PYROXD2: variants seen among roughly 807,000 people sequenced by gnomAD.
The protein encoded by PYROXD2 is pyridine nucleotide-disulphide oxidoreductase domain 2.
Under a neutral mutation model 71.1 loss-of-function variants are expected in PYROXD2, and 69 were observed. The observed-to-expected ratio is 0.97, with a 90% CI of 0.80 to 1.19. The LOEUF is 1.19. Among genes scored for constraint, PYROXD2 ranks in the 50% most tolerant of loss-of-function variants. The pLI, the probability that PYROXD2 is intolerant of heterozygous loss-of-function variation, is 0.00. For synonymous variants in PYROXD2, 287 were observed against 302.7 expected (o/e 0.95, Z 0.54); for missense variants, 745 against 748.9 (o/e 0.99, Z 0.06).
chr10:98,406,053 C>T (rs1036120010), intron 4 of PYROXD2, among the ~76,000 whole-genome samples: 3 of 152,188 alleles, frequency 2.0e-5, no homozygotes, highest in African/African-American at 7.2e-5. Context: ...TGTCAATGCC[C>T]TCCAGGCTGT....
chr10:98,406,749 C>A (rs10732782), intron 4 of PYROXD2, among the ~76,000 whole-genome samples: 52,329 of 151,624 alleles, frequency 0.35, 9,814 homozygotes, highest in South Asian at 0.49. Flanking sequence ...AAAAATTTGC[C>A]TGGCGTGGTG....
intron 2 of PYROXD2, 128 bp from the exon 3 acceptor site, chr10:98,408,125 C>A (rs964743394): frequency 2.6e-6 from 2 of 765,298 alleles, no homozygotes; most frequent in Non-Finnish European, 4.2e-6. Context: ...GGCCTCCCTG[C>A]CCCGCTCATG....
intron 5 of PYROXD2, 53 bp from the exon 6 acceptor site, chr10:98,397,551 G>A (rs1018916662): frequency 4.7e-6 from 7 of 1,496,022 alleles, no homozygotes; most frequent in Non-Finnish European, 6.3e-6. Context: ...TGCCCTCCAT[G>A]CTGTCCCCAG....
chr10:98,415,009 C>A lies in PYROXD2; in HGVS notation c.127G>T (p.Gly43Ter). ...GGCCCGGCCTGCTTTACCACTTTAC[C>A]TGCTCCTATCACCACCGCATCATAC... Reference protein sequence around the residue: ...PEYDAVVIGAGHNGLVAAAYL... With the variant: ...PEYDAVVIGA Residue 43 changes from glycine (G) to a stop codon, truncating the protein, a stop_gained and splice_region_variant, in exon 1 of 16, where the codon GGA becomes TGA. Coordinates refer to ENST00000370575, the MANE Select transcript of PYROXD2 (RefSeq NM_032709.3). LOFTEE classifies it high-confidence loss of function. 6.2e-7 allele frequency: 1 copy of A among 1,613,218 alleles called. No homozygotes were observed. Among genetic ancestry groups the A allele is most frequent in the Non-Finnish European group, 8.5e-7 (1 of 1,179,554 alleles).
intron 5 of PYROXD2, 108 bp downstream of exon 5, chr10:98,399,994 C>CT: frequency 7.2e-7 from 1 of 1,384,458 alleles, no homozygotes; most frequent in South Asian, 1.6e-5. Context: ...GTGGGGTGGC[C>CT]TGGCGCAGTG....
At chr10:98,414,356 C>T (rs574042296) in intron 1 of PYROXD2, 1 of 152,278 alleles carries the variant, frequency 6.6e-6, no homozygotes, top group East Asian at 1.9e-4. Context: ...TGCCTCTTCC[C>T]CTAGCACCCA....
At chr10:98,384,906 C>T in intron 15 of PYROXD2, 41 bp downstream of exon 15, 1 of 1,562,024 alleles carries the variant, frequency 6.4e-7, no homozygotes, top group Non-Finnish European at 8.6e-7. Flanking sequence ...CCAGTGAGCC[C>T]TCCCAGTCCC....
At chr10:98,400,450 C>T (rs1843355947) in intron 4 of PYROXD2, among the ~76,000 whole-genome samples, 193 bp from the exon 5 acceptor site, 1 of 152,124 alleles carries the variant, frequency 6.6e-6, no homozygotes, top group African/African-American at 2.4e-5. Context: ...GTAGACGATA[C>T]TGTATCACAT....
rs1254307485 is a variant in PYROXD2 at position 98,384,966 on chromosome 10, A to G, written c.1656T>C (p.Cys552=). The part of the protein sequence containing the change: ...YRCPLQGLYL[C]GSGAHPGGGV... ...ACTCACCAGGATGAGCCCCACTTCC[A>G]CAGAGATACAGGCCCTGGAGAGGGC... Residue 552 remains cysteine (C), a synonymous_variant, in exon 15 of 16, where the codon TGT becomes TGC. Coordinates refer to ENST00000370575, the MANE Select transcript of PYROXD2 (RefSeq NM_032709.3). 5 of 1,613,050 alleles carry G rather than the reference A, an allele frequency of 3.1e-6. No homozygotes were observed. Among genetic ancestry groups the G allele is most frequent in the Non-Finnish European group, 4.2e-6 (5 of 1,179,768 alleles).
chr10:98,388,649 C>A, intron 12 of PYROXD2, 141 bp from the exon 13 acceptor site: 4 of 988,718 alleles, frequency 4.0e-6, no homozygotes, highest in Non-Finnish European at 5.7e-6. Context: ...CAGTGGTTGT[C>A]CACCTGCACG....
chr10:98,414,893 G>A (rs1478043587), intron 1 of PYROXD2, 116 bp downstream of exon 1: 1 of 1,438,864 alleles, frequency 6.9e-7, no homozygotes, highest in Non-Finnish European at 9.3e-7. Context: ...TTCTGGCTGG[G>A]TTATGCCAGA....
intron 14 of PYROXD2, 148 bp from the exon 15 acceptor site, chr10:98,385,215 G>T (rs563201182): frequency 8.4e-7 from 1 of 1,190,500 alleles, no homozygotes; most frequent in Admixed American, 2.6e-5. Flanking sequence ...AAGGGAAGGA[G>T]ATGAGACGGA....
chr10:98,414,926 T>TGGGGGGGG, intron 1 of PYROXD2, 83 bp downstream of exon 1: 1 of 1,537,850 alleles, frequency 6.5e-7, no homozygotes, highest in Non-Finnish European at 8.8e-7. Context: ...GGGGCTTGGC[T>TGGGGGGGG]CCCCCTCCCC....
At position 98,384,930 on chromosome 10, in the gene PYROXD2, G is replaced by C; in HGVS notation, c.1675+17C>G. ...CCTCCCAGTCCCCACAGGGTAGTGG[G>C]ACTCCAGGTCACTCACCAGGATGAG... On this transcript the variant is annotated intron_variant, in intron 15 of 15. Transcript: ENST00000370575. 3 of 1,605,162 alleles carry C rather than the reference G, an allele frequency of 1.9e-6. No individual in the cohort carries two copies. Among genetic ancestry groups the C allele is most frequent in the Non-Finnish European group, 2.5e-6 (3 of 1,177,006 alleles).
At chr10:98,404,838 G>A (rs992415727) in intron 4 of PYROXD2, among the ~76,000 whole-genome samples, 2 of 152,208 alleles carry the variant, frequency 1.3e-5, no homozygotes, top group Non-Finnish European at 2.9e-5. Context: ...AATCAGACTC[G>A]TGAGCAAGAA....
rs752810901 is a variant in PYROXD2, at chr10:98,391,009, CCA to C, written c.1134_1135del (p.Val379GlyfsTer32). On this transcript the variant is annotated frameshift_variant and splice_region_variant, in exon 11 of 16. Transcript: ENST00000370575. LOFTEE classifies it high-confidence loss of function. ...GTGCTGCAATGTGGTGTGCCTCTTA[CCA>C]TTGATCTTGGTGACAGGCGACCGGG... 1 of 1,609,416 alleles carries C rather than the reference CCA, an allele frequency of 6.2e-7. No homozygotes were observed. The highest frequency in any genetic ancestry group is 8.5e-7 in the Non-Finnish European group (1 of 1,175,876).
At position 98,388,512 on chromosome 10, in the gene PYROXD2, T is replaced by C. The variant is rs780012918; in HGVS notation, c.1293-4A>G. ...GATGCAGAGCTCAATCACAGGCCTG[T>C]GCGGGCAGGGAGGAGACGGCAGGTC... On this transcript the variant is annotated splice_region_variant and splice_polypyrimidine_tract_variant and intron_variant, in intron 12 of 15. Coordinates refer to ENST00000370575, the MANE Select transcript of PYROXD2 (RefSeq NM_032709.3). The C allele has an allele frequency of 1.4e-5, 22 of 1,587,636 alleles. No homozygotes were observed. Among genetic ancestry groups the C allele is most frequent in the African/African-American group, 2.7e-5 (2 of 73,222 alleles).
At chr10:98,414,329 C>T (rs1310276197) in intron 1 of PYROXD2, 4 of 152,190 alleles carry the variant, frequency 2.6e-5, no homozygotes, top group African/African-American at 9.7e-5. Flanking sequence ...TAAGGAAAGA[C>T]CACCTGGTCC....
intron 12 of PYROXD2, among the ~76,000 whole-genome samples, chr10:98,388,944 G>A (rs1313115824): frequency 6.6e-6 from 1 of 152,036 alleles, no homozygotes; most frequent in African/African-American, 2.4e-5. Context: ...GGGCTGCCCC[G>A]AGCCCCAGCA....
Sources: gnomAD v4.1 joint callset for allele counts (sites outside exome capture counted in the v4.1 genomes callset) on GRCh38, gnomAD v4.1.1 for gene constraint, MANE v1.5 for transcripts, NCBI Gene and HGNC (gene_info 2026-07-23, HGNC 2026-07-21) for gene names.